The following LRRC7 variants were observed in gnomAD, a reference collection of about 807,000 sequenced individuals.
LRRC7 encodes leucine-rich repeat-containing protein 7.
A neutral mutation model predicts 175.7 loss-of-function variants in LRRC7; 23 were observed. That is an observed-to-expected ratio of 0.13 (90% CI 0.09 to 0.19). The LOEUF is 0.19. Among genes scored for constraint, LRRC7 ranks in the 10% least tolerant of loss-of-function variants. The pLI, the probability that LRRC7 is intolerant of heterozygous loss-of-function variation, is 1.00. For missense variants in LRRC7, 1,354 were observed against 1,904.7 expected, an observed-to-expected ratio of 0.71 and a Z score of 5.38; for synonymous variants, 685 against 680.9, an observed-to-expected ratio of 1.01 and a Z score of -0.09.
chr1:70,013,507 A>G (rs994569628), intron 13 of LRRC7, among the ~76,000 whole-genome samples: 2 of 151,970 alleles, frequency 1.3e-5, no homozygotes, highest in Non-Finnish European at 2.9e-5. Flanking sequence ...TAACTGGGCA[A>G]TGTGTATATT....
chr1:69,731,446 G>T (rs980461489), intron 2 of LRRC7, among the ~76,000 whole-genome samples: 2 of 152,084 alleles, frequency 1.3e-5, no homozygotes, highest in African/African-American at 4.8e-5. Flanking sequence ...ATAAGATTTG[G>T]GTGGAGATAT....
chr1:69,771,858 C>T (rs1672277442), intron 3 of LRRC7, among the ~76,000 whole-genome samples: 1 of 152,168 alleles, frequency 6.6e-6, no homozygotes. Context: ...CGGTGGCTCA[C>T]ACCTGCAATC....
In LRRC7 at chr1:70,039,806, T is replaced by C; in HGVS notation, c.3969+13T>C. On this transcript the variant is annotated intron_variant, in intron 21 of 26. Coordinates refer to ENST00000651989, the MANE Select transcript of LRRC7 (RefSeq NM_001370785.2). Reference sequence around the variant, plus strand: ...ACGGTTAGACAGGGTATGTCTGGTGTTTCTCTGTAAGAATATCCCTCCTGC... The same window carrying C: ...ACGGTTAGACAGGGTATGTCTGGTGCTTCTCTGTAAGAATATCCCTCCTGC... 1.3e-6 allele frequency: 2 copies of C among 1,554,472 alleles called. No individual in the cohort carries two copies. The highest frequency in any genetic ancestry group is 1.7e-6 in the Non-Finnish European group (2 of 1,154,818).
At chr1:69,569,298 G>A (rs1298536854) in intron 1 of LRRC7, among the ~76,000 whole-genome samples, 1 of 152,042 alleles carries the variant, frequency 6.6e-6, no homozygotes, top group African/African-American at 2.4e-5. Context: ...GGGAGTCAGG[G>A]AGAACCTTGC....
chr1:69,871,391 C>T (rs1685516965), intron 7 of LRRC7, among the ~76,000 whole-genome samples: 1 of 151,950 alleles, frequency 6.6e-6, no homozygotes, highest in African/African-American at 2.4e-5. Context: ...AGACAAAACA[C>T]TAAGATTCAA....
chr1:69,607,101 G>A (rs1244410164), intron 1 of LRRC7: 3 of 152,078 alleles, frequency 2.0e-5, no homozygotes, highest in Non-Finnish European at 4.4e-5. Context: ...CCAGCGATGC[G>A]AATTTTTGTT....
Position 70,038,223 on chromosome 1 carries a change from A to T in LRRC7, c.2399A>T (p.Asp800Val). Reference protein sequence around the residue: ...PQRPDRLPMSDTFTDNWTDGS... With the variant: ...PQRPDRLPMSVTFTDNWTDGS... ...CGTCCTGACCGGCTGCCCATGAGTG[A>T]TACTTTCACTGACAACTGGACTGAT... is the stretch of plus-strand genomic sequence containing the variant. Residue 800 changes from aspartate to valine, a missense_variant, in exon 21 of 27, where the codon GAT becomes GTT. Asp to Val is a radical substitution (Grantham distance 152). Transcript: ENST00000651989. 1 of 1,614,176 alleles carries T rather than the reference A, an allele frequency of 6.2e-7. No homozygotes were observed. Among genetic ancestry groups the T allele is most frequent in the Non-Finnish European group, 8.5e-7 (1 of 1,180,024 alleles).
At chr1:69,888,503 T>G (rs377225370) in intron 7 of LRRC7, among the ~76,000 whole-genome samples, 1 of 152,206 alleles carries the variant, frequency 6.6e-6, no homozygotes. Flanking sequence ...CCCACTGACC[T>G]GCACCCACTG....
At chr1:70,050,424 T>G (rs970645877) in intron 22 of LRRC7, among the ~76,000 whole-genome samples, 1 of 152,094 alleles carries the variant, frequency 6.6e-6, no homozygotes, top group African/African-American at 2.4e-5. Flanking sequence ...TCTGTATTAT[T>G]TTGAAATATT....
chr1:69,797,996 A>C (rs1675996567), intron 4 of LRRC7, among the ~76,000 whole-genome samples: 1 of 152,104 alleles, frequency 6.6e-6, no homozygotes, highest in African/African-American at 2.4e-5. Context: ...ATCTTGGCTC[A>C]CTGCAACCTC....
At chr1:70,014,128 C>T (rs916141461) in intron 13 of LRRC7, 4 of 151,990 alleles carry the variant, frequency 2.6e-5, no homozygotes, top group African/African-American at 9.7e-5. Flanking sequence ...GCTTCCTCTT[C>T]TGACTGTGTT....
At chr1:69,826,587 G>A (rs755716976) in intron 5 of LRRC7, among the ~76,000 whole-genome samples, 18 of 152,232 alleles carry the variant, frequency 1.2e-4, no homozygotes, top group South Asian at 2.1e-4. Flanking sequence ...GCTCCTGACA[G>A]TTGTAATATT....
At chr1:69,815,863 C>CT (rs1003975822) in intron 4 of LRRC7, among the ~76,000 whole-genome samples, 2 of 152,112 alleles carry the variant, frequency 1.3e-5, no homozygotes, top group African/African-American at 4.8e-5. Context: ...CCATAGTGTT[C>CT]TTATTAAAAA....
At position 70,142,883 on chromosome 1, in the gene LRRC7, T is replaced by G. The variant is rs1667121428; in HGVS notation, c.*20996T>G. On this transcript the variant is annotated 3_prime_UTR_variant, in exon 27 of 27. Coordinates refer to ENST00000651989, the MANE Select transcript of LRRC7 (RefSeq NM_001370785.2). The stretch of plus-strand genomic sequence containing the variant: ...TTAAGAATTATATGTAAAAGGATAC[T>G]AGATATTATGTTTTGGATGTTTTCT... The G allele has an allele frequency of 6.6e-6, 1 of 152,054 alleles. No homozygotes were observed. The highest frequency in any genetic ancestry group is 6.6e-5 in the Admixed American group (1 of 15,244). 9.4% of individuals were successfully genotyped at this position (152,054 alleles called of 1,614,324 possible).
rs778998569 is a variant in LRRC7, at chr1:70,039,693, C to G, written c.3869C>G (p.Thr1290Arg). The part of the protein sequence containing the change: ...DKPSDNSDLK[T>R]RPTPVKGEES... ...CCATCAGATAACAGTGATTTAAAGA[C>G]GAGGCCTACTCCTGTGAAGGGAGAG... is the stretch of plus-strand genomic sequence containing the variant. The change falls in exon 21 of 27, where the codon ACG becomes AGG. Residue 1290 changes from threonine (T) to arginine (R), a missense_variant. Around this residue, in one of 4 missense-constraint regions of LRRC7, gnomAD observed 1,032 missense variants for 1,227.2 expected, o/e 0.84. Coordinates refer to ENST00000651989, the MANE Select transcript of LRRC7 (RefSeq NM_001370785.2). 6.2e-7 allele frequency: 1 copy of G among 1,614,076 alleles called. No individual in the cohort carries two copies. The highest frequency in any genetic ancestry group is 1.7e-5 in the Admixed American group (1 of 60,020).
intron 26 of LRRC7, among the ~76,000 whole-genome samples, chr1:70,120,410 T>C (rs886634835): frequency 3.3e-5 from 5 of 152,090 alleles, no homozygotes; most frequent in South Asian, 2.1e-4. Flanking sequence ...TTTACTATGG[T>C]TTACAAGTGT....
intron 4 of LRRC7, among the ~76,000 whole-genome samples, chr1:69,823,562 C>T (rs980322267): frequency 2.6e-5 from 4 of 151,898 alleles, no homozygotes; most frequent in Non-Finnish European, 5.9e-5. Flanking sequence ...TGTGTGTGTG[C>T]GTACACGCAC....
chr1:69,644,320 T>G (rs1048344196), intron 1 of LRRC7, among the ~76,000 whole-genome samples: 1 of 152,096 alleles, frequency 6.6e-6, no homozygotes, highest in Non-Finnish European at 1.5e-5. Flanking sequence ...TTTTGCTTCG[T>G]ACATTTAGAA....
chr1:70,070,617 G>A (rs1041319002), intron 23 of LRRC7, among the ~76,000 whole-genome samples: 8 of 152,042 alleles, frequency 5.3e-5, no homozygotes, highest in African/African-American at 1.9e-4. Flanking sequence ...GGAAGGGTGG[G>A]GTGCTGCATT....
Sources: gnomAD v4.1 joint callset for allele counts (sites outside exome capture counted in the v4.1 genomes callset) on GRCh38, gnomAD v4.1.1 for gene constraint, gnomAD v4.1.1 regional missense constraint, MANE v1.5 for transcripts, NCBI Gene and HGNC (gene_info 2026-07-23, HGNC 2026-07-21) for gene names.